DOCK1: variants seen among roughly 807,000 people sequenced by gnomAD.
The protein encoded by DOCK1 is dedicator of cytokinesis 1, also known as dedicator of cytokinesis protein 1.
A neutral mutation model predicts 262.7 loss-of-function variants in DOCK1; 138 were observed. The observed-to-expected ratio is 0.53, with a 90% CI of 0.46 to 0.61. The LOEUF is 0.61. Among genes scored for constraint, DOCK1 ranks in the 20% least tolerant of loss-of-function variants. DOCK1 has a pLI of 0.00. For missense variants in DOCK1, 1,908 were observed against 2,370.7 expected, an observed-to-expected ratio of 0.80 and a Z score of 4.05; for synonymous variants, 866 against 867.4, an observed-to-expected ratio of 1.00 and a Z score of 0.03.
intron 38 of DOCK1, among the ~76,000 whole-genome samples, chr10:127,393,502 G>A (rs1338143092): frequency 2.6e-5 from 4 of 152,158 alleles, no homozygotes; most frequent in African/African-American, 9.7e-5. Context: ...TCTGGACAAG[G>A]CTGAGCAGGC....
chr10:127,373,841 C>T lies in DOCK1; in HGVS notation c.3493C>T (p.Gln1165Ter). The T allele has an allele frequency of 6.2e-7, 1 of 1,610,342 alleles. No homozygotes were observed. Among genetic ancestry groups the T allele is most frequent in the Non-Finnish European group, 8.5e-7 (1 of 1,178,300 alleles). ...AGTCGAAGGAGGCAGAGGAGACGAACAGTACAAAGTGTTATTTGATAAAAT... is the reference window on the plus strand; with the variant it reads ...AGTCGAAGGAGGCAGAGGAGACGAATAGTACAAAGTGTTATTTGATAAAAT... ...HEVEGGRGDE[Q>*]YKVLFDKILL... Residue 1165 changes from glutamine to a stop codon, truncating the protein, a stop_gained, in exon 34 of 52, where the codon CAG becomes TAG. Transcript: ENST00000623213. LOFTEE classifies it high-confidence loss of function.
chr10:126,937,351 A>G (rs1453736072), intron 1 of DOCK1, among the ~76,000 whole-genome samples: 1 of 152,214 alleles, frequency 6.6e-6, no homozygotes, highest in African/African-American at 2.4e-5. Context: ...GTGTGTACCC[A>G]GAAGTGGAAT....
At chr10:127,011,608 A>G (rs1017495307) in intron 11 of DOCK1, among the ~76,000 whole-genome samples, 1 of 152,128 alleles carries the variant, frequency 6.6e-6, no homozygotes, top group African/African-American at 2.4e-5. Flanking sequence ...CTCCTGGTTC[A>G]TGGGCCCTGA....
At chr10:127,154,590 C>T (rs1459167527) in intron 27 of DOCK1, among the ~76,000 whole-genome samples, 1 of 152,188 alleles carries the variant, frequency 6.6e-6, no homozygotes, top group Non-Finnish European at 1.5e-5. Flanking sequence ...TGAACATTTA[C>T]TCTCTGGCTC....
intron 27 of DOCK1, among the ~76,000 whole-genome samples, chr10:127,196,958 TG>T (rs1328219982): frequency 5.9e-5 from 9 of 152,092 alleles, no homozygotes; most frequent in Non-Finnish European, 1.2e-4. Flanking sequence ...GACTGTCTGC[TG>T]TGCCAGCCAG....
chr10:127,419,282 A>C (rs564264928), intron 45 of DOCK1, among the ~76,000 whole-genome samples: 3 of 152,242 alleles, frequency 2.0e-5, no homozygotes, highest in Admixed American at 2.0e-4. Flanking sequence ...CCACCCTTGC[A>C]CAAAGAAGTT....
intron 27 of DOCK1, among the ~76,000 whole-genome samples, chr10:127,146,562 A>G (rs2051872996): frequency 1.3e-5 from 2 of 152,164 alleles, no homozygotes; most frequent in South Asian, 4.1e-4. Flanking sequence ...TTACCCCAGA[A>G]TAACATTGTG....
At chr10:127,326,392 A>G (rs1417730272) in intron 29 of DOCK1, among the ~76,000 whole-genome samples, 1 of 152,248 alleles carries the variant, frequency 6.6e-6, no homozygotes, top group African/African-American at 2.4e-5. Context: ...CAACAATGTT[A>G]TCAGAATCTT....
chr10:127,156,240 A>G (rs1252515533), intron 27 of DOCK1, among the ~76,000 whole-genome samples: 5 of 152,090 alleles, frequency 3.3e-5, no homozygotes, highest in Non-Finnish European at 7.3e-5. Flanking sequence ...GAGCCTTCTA[A>G]TTATGCTAGC....
chr10:127,126,264 T>G (rs2133085503), intron 26 of DOCK1, among the ~76,000 whole-genome samples: 1 of 152,134 alleles, frequency 6.6e-6, no homozygotes, highest in Non-Finnish European at 1.5e-5. Context: ...CCAGCTAATT[T>G]TTTTGTATTT....
intron 15 of DOCK1, chr10:127,025,029 A>G: frequency 2.7e-6 from 1 of 372,944 alleles, no homozygotes; most frequent in African/African-American, 2.0e-5. Flanking sequence ...TCTTTTTAAG[A>G]TAGCTATTGT....
intron 46 of DOCK1, among the ~76,000 whole-genome samples, chr10:127,422,414 C>T (rs944919465): frequency 6.6e-6 from 1 of 152,068 alleles, no homozygotes; most frequent in African/African-American, 2.4e-5. Flanking sequence ...ATCCGCCCAC[C>T]TCAGCCTCCC....
At chr10:127,298,710 C>T (rs1015997248) in intron 29 of DOCK1, among the ~76,000 whole-genome samples, 13 of 152,214 alleles carry the variant, frequency 8.5e-5, no homozygotes, top group African/African-American at 3.1e-4. Flanking sequence ...TCGCAGGAAA[C>T]ACCTAGCAAA....
intron 27 of DOCK1, among the ~76,000 whole-genome samples, chr10:127,207,057 C>T (rs555140472): frequency 6.6e-6 from 1 of 152,314 alleles, no homozygotes; most frequent in East Asian, 1.9e-4. Flanking sequence ...CCTGCCTGCA[C>T]TTCACAGAGA....
Position 127,000,222 on chromosome 10 carries a change from G to T in DOCK1, c.900G>T (p.Gln300His). ...GGGAGAAAATCAGTTTTGTCTGTCA[G>T]ATTGTTCGCGTGGGTCGCATGGAGC... ...LKREKISFVC[Q>H]IVRVGRMELR... Residue 300 changes from glutamine to histidine, a missense_variant, in exon 10 of 52, where the codon CAG (glutamine) becomes CAT (histidine). Coordinates refer to ENST00000623213, the MANE Select transcript of DOCK1 (RefSeq NM_001290223.2). 6.2e-7 allele frequency: 1 copy of T among 1,614,068 alleles called. No homozygotes were observed. Among genetic ancestry groups the T allele is most frequent in the Admixed American group, 1.7e-5 (1 of 60,028 alleles).
At chr10:127,392,497 C>T (rs2066540766) in intron 38 of DOCK1, among the ~76,000 whole-genome samples, 1 of 152,106 alleles carries the variant, frequency 6.6e-6, no homozygotes, top group South Asian at 2.1e-4. Flanking sequence ...ACAGTGAGTA[C>T]AGCCAGGTCC....
chr10:127,071,377 C>G (rs1318553609), intron 23 of DOCK1, among the ~76,000 whole-genome samples: 1 of 152,168 alleles, frequency 6.6e-6, no homozygotes, highest in Non-Finnish European at 1.5e-5. Flanking sequence ...ACCTCTCCAC[C>G]CACATTTATA....
At chr10:127,139,586 A>G (rs898829713) in intron 27 of DOCK1, among the ~76,000 whole-genome samples, 4 of 152,208 alleles carry the variant, frequency 2.6e-5, no homozygotes, top group Non-Finnish European at 5.9e-5. Flanking sequence ...TTCTAAGGAC[A>G]GTTGTGAAAA....
chr10:127,061,588 C>A (rs1378271441), intron 22 of DOCK1, 80 bp from the exon 23 acceptor site: 2 of 1,181,396 alleles, frequency 1.7e-6, no homozygotes, highest in Non-Finnish European at 2.4e-6. Context: ...CAAGTGATTC[C>A]CTTCATGGCT....
Sources: gnomAD v4.1 joint callset for allele counts (sites outside exome capture counted in the v4.1 genomes callset) on GRCh38, gnomAD v4.1.1 for gene constraint, MANE v1.5 for transcripts, NCBI Gene and HGNC (gene_info 2026-07-23, HGNC 2026-07-21) for gene names.